Variants in PAWR observed in about 807,000 individuals in gnomAD.
The protein encoded by PAWR is pro-apoptotic WT1 regulator.
Under a neutral mutation model 32.0 loss-of-function variants are expected in PAWR, and 23 were observed. The ratio of observed to expected loss-of-function variants is 0.72; its 90% confidence interval spans 0.52 to 1.02. The LOEUF is 1.02. Ranked by LOEUF, PAWR falls within the 50% of genes least tolerant of loss-of-function variation. The probability of loss-of-function intolerance (pLI) is 0.00; values close to 1 mark genes in which losing one functional copy is unlikely to be tolerated. For synonymous variants in PAWR, 226 were observed against 187.1 expected (o/e 1.21, Z -1.70); for missense variants, 457 against 437.7 (o/e 1.04, Z -0.39).
chr12:79,649,842 C>T (rs1876756201), intron 2 of PAWR, among the ~76,000 whole-genome samples: 1 of 152,104 alleles, frequency 6.6e-6, no homozygotes, highest in South Asian at 2.1e-4. Context: ...TTTCTGACAA[C>T]AGGGACTGGT....
At chr12:79,666,815 T>A (rs1272899457) in intron 2 of PAWR, among the ~76,000 whole-genome samples, 1 of 152,196 alleles carries the variant, frequency 6.6e-6, no homozygotes, top group African/African-American at 2.4e-5. Context: ...TGCTCATACA[T>A]ACAGTGATAT....
Position 79,598,763 on chromosome 12 carries a change from T to C in PAWR, c.684-2105A>G, listed in dbSNP as rs545483638. Among the ~76,000 whole-genome samples the C allele has an allele frequency of 3.6e-4, 55 of 152,322 alleles. 1 individual carries two copies. The highest frequency in any genetic ancestry group is 7.8e-4 in the Admixed American group (12 of 15,296). On this transcript the variant is annotated intron_variant, in intron 4 of 6. Coordinates refer to ENST00000328827, the MANE Select transcript of PAWR (RefSeq NM_002583.4). ...AACTTTCTCCTCAAAAATCCAACTTTCATTTTTGTCACCTGATCTTATCTG... is the reference window on the plus strand; with the variant it reads ...AACTTTCTCCTCAAAAATCCAACTTCCATTTTTGTCACCTGATCTTATCTG...
chr12:79,601,207 ATTT>A (rs534042888), intron 4 of PAWR, among the ~76,000 whole-genome samples: 19,754 of 118,344 alleles, frequency 0.17, 4,778 homozygotes, highest in African/African-American at 0.56. Flanking sequence ...GGAAACCTGA[ATTT>A]TTTTTTTTTT....
Position 79,636,970 on chromosome 12 carries a change from A to G in PAWR, c.517-15763T>C, listed in dbSNP as rs527668494. Among the ~76,000 whole-genome samples, 10 of 152,350 alleles carry G rather than the reference A, an allele frequency of 6.6e-5. No individual in the cohort carries two copies. The South Asian group carries it at 2.1e-3, about 32-fold the overall frequency. ...AGGCTCTAATAAGGAAAATATGACA[A>G]CTTTTAAATTACGAATCAGAATGAG... On this transcript the variant is annotated intron_variant, in intron 2 of 6. Coordinates refer to ENST00000328827, the MANE Select transcript of PAWR (RefSeq NM_002583.4).
Position 79,689,790 on chromosome 12 carries a change from T to C in PAWR, c.455A>G (p.Glu152Gly). 6.3e-7 allele frequency: 1 copy of C among 1,594,586 alleles called. No individual in the cohort carries two copies. The highest frequency in any genetic ancestry group is 2.3e-5 in the East Asian group (1 of 43,884). Residue 152 changes from glutamate (E) to glycine (G), a missense_variant, in exon 2 of 7, where the codon GAG becomes GGG. Transcript: ENST00000328827. ...PSARKGKGQIEKRKLREKRRS... is the reference protein window; with the variant it reads ...PSARKGKGQIGKRKLREKRRS... ...CCGCTTCTCCCGCAGCTTCCTCTTC[T>C]CGATCTGCCCCTTGCCTTTCCTGGC...
At chr12:79,597,008 C>T in intron 4 of PAWR, 1 of 181,000 alleles carries the variant, frequency 5.5e-6, no homozygotes, top group Non-Finnish European at 1.1e-5. Context: ...AAAATAAGGT[C>T]AGTGATGGAT....
Position 79,592,686 on chromosome 12 carries a change from T to A in PAWR, c.944A>T (p.Asp315Val). 2.7e-6 allele frequency: 2 copies of A among 737,938 alleles called. No individual in the cohort carries two copies. The highest frequency in any genetic ancestry group is 1.5e-5 in the South Asian group (1 of 67,460). The allele number at this position is 737,938 out of a possible 1,614,324, so 45.7% of individuals were successfully genotyped here. Residue 315 changes from aspartate to valine, a missense_variant, in exon 7 of 7, where the codon GAT becomes GTT. Physicochemically the swap from Asp to Val is radical, Grantham distance 152. Coordinates refer to ENST00000328827, the MANE Select transcript of PAWR (RefSeq NM_002583.4). ...EEIDLLNRDL[D>V]DIEDENEQLK... ...CTGTTCATTTTCATCTTCTATGTCA[T>A]CTAGGTCCTTAAGAAAAAAAAAAGA...
chr12:79,682,024 C>A (rs894643957), intron 2 of PAWR, among the ~76,000 whole-genome samples: 3 of 152,176 alleles, frequency 2.0e-5, no homozygotes, highest in Non-Finnish European at 4.4e-5. Flanking sequence ...AGTTTGCTTA[C>A]ATGACCATAG....
At chr12:79,626,844 G>C (rs1338753885) in intron 2 of PAWR, among the ~76,000 whole-genome samples, 1 of 151,870 alleles carries the variant, frequency 6.6e-6, no homozygotes, top group East Asian at 1.9e-4. Context: ...GCGGTGTTTG[G>C]TTTTCTGTCC....
chr12:79,678,773 G>C (rs1182731246), intron 2 of PAWR, among the ~76,000 whole-genome samples: 1 of 151,774 alleles, frequency 6.6e-6, no homozygotes, highest in East Asian at 1.9e-4. Flanking sequence ...TTCACTTGGA[G>C]AATCTTTCTT....
At chr12:79,610,290 T>C (rs1303792682) in intron 4 of PAWR, among the ~76,000 whole-genome samples, 1 of 152,234 alleles carries the variant, frequency 6.6e-6, no homozygotes, top group African/African-American at 2.4e-5. Context: ...TTACCTAGCA[T>C]TTCTGGTGAA....
At chr12:79,614,861 C>A (rs1312443110) in intron 3 of PAWR, among the ~76,000 whole-genome samples, 2 of 152,114 alleles carry the variant, frequency 1.3e-5, no homozygotes, top group African/African-American at 2.4e-5. Context: ...GAGGAGGGAT[C>A]GGATCAAGTT....
In PAWR at chr12:79,596,598, C is replaced by T. The variant is rs775296487; in HGVS notation, c.744G>A (p.Gly248=). 2 of 1,593,812 alleles carry T rather than the reference C, an allele frequency of 1.3e-6. No homozygotes were observed. Among genetic ancestry groups the T allele is most frequent in the East Asian group, 4.5e-5 (2 of 44,576 alleles). Residue 248 remains glycine, a synonymous_variant, in exon 5 of 7, where the codon GGG becomes GGA. Transcript: ENST00000328827. The stretch of plus-strand genomic sequence containing the variant: ...TTGCATCCCTGTTATATCTAGGGAA[C>T]CCACTTCTATCTGTTCGAGAATATC... ...SSRYSRTDRS[G]FPRYNRDANV...
chr12:79,600,958 A>G (rs184500054), intron 4 of PAWR, among the ~76,000 whole-genome samples: 13 of 152,228 alleles, frequency 8.5e-5, no homozygotes, highest in Admixed American at 3.3e-4. Context: ...TCAAAATGCA[A>G]TTCAAGTTTC....
In PAWR at chr12:79,587,574, A is replaced by G. The variant is rs1480835851; in HGVS notation, c.*5033T>C. 2.6e-5 allele frequency: 4 copies of G among 152,034 alleles called. No homozygotes were observed. In the South Asian group the frequency reaches 8.3e-4, roughly 32 times the overall value. 9.4% of individuals were successfully genotyped at this position (152,034 alleles called of 1,614,324 possible). On this transcript the variant is annotated 3_prime_UTR_variant, in exon 7 of 7. Coordinates refer to ENST00000328827, the MANE Select transcript of PAWR (RefSeq NM_002583.4). ...GTGCACTTCCTCATTTATTCGAGAAACCCCACCACTAATGTATTTAGACCT... is the reference window on the plus strand; with the variant it reads ...GTGCACTTCCTCATTTATTCGAGAAGCCCCACCACTAATGTATTTAGACCT...
rs115616045 is a variant in PAWR at position 79,684,203 on chromosome 12, A to C, written c.516+5526T>G. On this transcript the variant is annotated intron_variant, in intron 2 of 6. Coordinates refer to ENST00000328827, the MANE Select transcript of PAWR (RefSeq NM_002583.4). Reference sequence around the variant, plus strand: ...AGCACAGAGAAAATGTCAAACCCTAATATTTGCCAATAATTTTATACTTAT... The same window carrying C: ...AGCACAGAGAAAATGTCAAACCCTACTATTTGCCAATAATTTTATACTTAT... Among the ~76,000 whole-genome samples, 325 of 152,304 alleles carry C rather than the reference A, an allele frequency of 2.1e-3. 2 individuals are homozygous for C. The highest frequency in any genetic ancestry group is 7.6e-3 in the African/African-American group (317 of 41,566).
In PAWR at chr12:79,594,255, T is replaced by G. The variant is rs190895324; in HGVS notation, c.936+74A>C. On this transcript the variant is annotated intron_variant, in intron 6 of 6. Coordinates refer to ENST00000328827, the MANE Select transcript of PAWR (RefSeq NM_002583.4). ...AAAGTGAATAATGCAATTAATAATT[T>G]CTTCATATTTATATATTTTCATCCA... is the stretch of plus-strand genomic sequence containing the variant. 22 of 603,906 alleles carry G rather than the reference T, an allele frequency of 3.6e-5. No homozygotes were observed. In the East Asian group the frequency reaches 6.7e-4, roughly 18 times the overall value. 37.4% of individuals were successfully genotyped at this position (603,906 alleles called of 1,614,324 possible).
intron 2 of PAWR, chr12:79,635,501 G>A (rs1167424062): frequency 6.6e-6 from 1 of 152,082 alleles, no homozygotes; most frequent in Non-Finnish European, 1.5e-5. Flanking sequence ...TGTTGAGTCA[G>A]CCAGCAGGTG....
chr12:79,667,440 A>T (rs1231573380), intron 2 of PAWR, among the ~76,000 whole-genome samples: 3 of 152,232 alleles, frequency 2.0e-5, no homozygotes, highest in African/African-American at 7.2e-5. Flanking sequence ...ATTAAACAAG[A>T]CCACGGGGGA....
Sources: gnomAD v4.1 joint callset for allele counts (sites outside exome capture counted in the v4.1 genomes callset) on GRCh38, gnomAD v4.1.1 for gene constraint, MANE v1.5 for transcripts, NCBI Gene and HGNC (gene_info 2026-07-23, HGNC 2026-07-21) for gene names.